The following NTM variants were observed in gnomAD, a reference collection of about 807,000 sequenced individuals.
The protein encoded by NTM is neurotrimin.
In NTM, 13 loss-of-function variants were observed where a neutral mutation model predicts 42.1. The observed-to-expected ratio is 0.31, with a 90% CI of 0.20 to 0.49. NTM has a LOEUF of 0.49. Among genes scored for constraint, NTM ranks in the 20% least tolerant of loss-of-function variants. The pLI is 0.99. For missense variants in NTM, 373 were observed against 452.8 expected (o/e 0.82, Z 1.60); for synonymous variants, 187 against 179.2 (o/e 1.04, Z -0.35).
intron 1 of NTM, among the ~76,000 whole-genome samples, chr11:131,389,825 A>G (rs1943786516): frequency 6.6e-6 from 1 of 152,218 alleles, no homozygotes; most frequent in South Asian, 2.1e-4. Context: ...GTCTGTTTCA[A>G]CAGAGAGTGA....
chr11:131,636,499 C>T (rs570058273), intron 1 of NTM, among the ~76,000 whole-genome samples: 5 of 152,286 alleles, frequency 3.3e-5, no homozygotes, highest in African/African-American at 1.2e-4. Flanking sequence ...ATCCTGAGTT[C>T]GGGAGCTGTG....
At chr11:132,308,269 T>C (rs567903085) in intron 5 of NTM, among the ~76,000 whole-genome samples, 39 of 152,328 alleles carry the variant, frequency 2.6e-4, no homozygotes, top group African/African-American at 9.4e-4. Flanking sequence ...ATTTATGGTA[T>C]GTCTATTATA....
intron 4 of NTM, among the ~76,000 whole-genome samples, chr11:132,223,505 G>A (rs2085574746): frequency 6.6e-6 from 1 of 152,110 alleles, no homozygotes; most frequent in African/African-American, 2.4e-5. Context: ...GACCCAGCCG[G>A]CACGCTCACA....
chr11:131,697,436 T>C (rs1233396080), intron 1 of NTM, among the ~76,000 whole-genome samples: 1 of 152,182 alleles, frequency 6.6e-6, no homozygotes, highest in East Asian at 1.9e-4. Context: ...CCTTGGAAAA[T>C]TGTTGGCCCT....
rs544285178 is a variant in NTM at position 132,037,383 on chromosome 11, A to G, written c.168-108899A>G. Among the ~76,000 whole-genome samples, 14 of 152,270 alleles carry G rather than the reference A, an allele frequency of 9.2e-5. No individual in the cohort carries two copies. In the South Asian group the frequency reaches 2.7e-3, roughly 29 times the overall value. ...TTCTTGTGCTGCCTGCAGTACCATG[A>G]GCCAAATAAACCTTTTTTCATTATA... On this transcript the variant is annotated intron_variant, in intron 2 of 8. Coordinates refer to ENST00000683400, the MANE Select transcript of NTM (RefSeq NM_001352005.2).
chr11:131,916,060 A>G (rs908294089), intron 2 of NTM, among the ~76,000 whole-genome samples: 5 of 152,212 alleles, frequency 3.3e-5, no homozygotes, highest in African/African-American at 1.2e-4. Context: ...CAAAGAGGTC[A>G]TGGACCTTGT....
At chr11:132,299,298 AAAAC>A (rs1459392359) in intron 4 of NTM, among the ~76,000 whole-genome samples, 1 of 147,870 alleles carries the variant, frequency 6.8e-6, no homozygotes, top group Non-Finnish European at 1.5e-5. Context: ...CTGTCTCAAA[AAAAC>A]AAAACAAAAC....
intron 1 of NTM, among the ~76,000 whole-genome samples, chr11:131,444,230 A>G (rs1949859581): frequency 1.4e-5 from 2 of 139,402 alleles, no homozygotes; most frequent in South Asian, 4.5e-4. Flanking sequence ...AAAAAAAAAT[A>G]GAAGCCAATA....
At chr11:131,685,530 C>T (rs2134920266) in intron 1 of NTM, among the ~76,000 whole-genome samples, 1 of 152,340 alleles carries the variant, frequency 6.6e-6, no homozygotes, top group Admixed American at 6.5e-5. Flanking sequence ...AAGCACATTC[C>T]TGCCTCAGGG....
chr11:131,603,695 G>A (rs546994322), intron 1 of NTM, among the ~76,000 whole-genome samples: 2 of 152,228 alleles, frequency 1.3e-5, no homozygotes, highest in East Asian at 1.9e-4. Flanking sequence ...ACATTGTCCC[G>A]TACACTCAGC....
chr11:131,511,573 C>G (rs752122421), intron 1 of NTM, among the ~76,000 whole-genome samples: 1 of 152,188 alleles, frequency 6.6e-6, no homozygotes, highest in Non-Finnish European at 1.5e-5. Flanking sequence ...TTGCACTTGA[C>G]AAACAAAACA....
At chr11:132,045,630 G>T (rs1008256204) in intron 2 of NTM, among the ~76,000 whole-genome samples, 6 of 152,144 alleles carry the variant, frequency 3.9e-5, no homozygotes, top group African/African-American at 1.4e-4. Flanking sequence ...AAAGGTACGG[G>T]ATATACTTAG....
intron 1 of NTM, among the ~76,000 whole-genome samples, chr11:131,715,300 T>TA (rs1244153536): frequency 5.3e-5 from 8 of 152,206 alleles, no homozygotes; most frequent in Non-Finnish European, 1.0e-4. Context: ...AAGTTTCTTG[T>TA]GTAATGAGTC....
At chr11:131,469,229 C>T (rs1228658704) in intron 1 of NTM, among the ~76,000 whole-genome samples, 4 of 152,192 alleles carry the variant, frequency 2.6e-5, no homozygotes, top group African/African-American at 9.6e-5. Context: ...GTGAATGCTT[C>T]TGTAAGAAGC....
At chr11:131,772,141 C>A (rs2086202951) in intron 1 of NTM, among the ~76,000 whole-genome samples, 1 of 152,204 alleles carries the variant, frequency 6.6e-6, no homozygotes, top group Admixed American at 6.5e-5. Flanking sequence ...TAGACACAGT[C>A]TCTGCCCTCA....
chr11:131,542,982 A>T (rs1405060978), intron 1 of NTM, among the ~76,000 whole-genome samples: 1 of 152,214 alleles, frequency 6.6e-6, no homozygotes, highest in Non-Finnish European at 1.5e-5. Flanking sequence ...AGCCTGGAGA[A>T]CATGTCCCTG....
intron 2 of NTM, among the ~76,000 whole-genome samples, chr11:131,927,093 G>A (rs2058048781): frequency 6.6e-6 from 1 of 152,152 alleles, no homozygotes; most frequent in Admixed American, 6.5e-5. Flanking sequence ...CTGTTCAGAA[G>A]AATTATTTAG....
chr11:132,026,837 G>T (rs928429989), intron 2 of NTM, among the ~76,000 whole-genome samples: 15 of 152,146 alleles, frequency 9.9e-5, no homozygotes, highest in African/African-American at 3.6e-4. Context: ...AACAAAGCAG[G>T]CAGGCTAGAA....
chr11:132,150,816 A>C lies in NTM; in HGVS notation c.400+4302A>C, dbSNP rs563672189. On this transcript the variant is annotated intron_variant, in intron 3 of 8. Coordinates refer to ENST00000683400, the MANE Select transcript of NTM (RefSeq NM_001352005.2). The stretch of plus-strand genomic sequence containing the variant: ...CACTGAGATTTCTACCTGTGAGCTC[A>C]GGGGACATGAATACTAACATGTCTA... 2.0e-5 allele frequency among the ~76,000 whole-genome samples: 3 copies of C among 152,328 alleles called. No homozygotes were observed. In the South Asian group the frequency reaches 6.2e-4, roughly 32 times the overall value.
Sources: allele counts gnomAD v4.1 joint callset (sites outside exome capture counted in the v4.1 genomes callset), GRCh38; gene constraint gnomAD v4.1.1; transcripts MANE v1.5; gene names NCBI Gene and HGNC (gene_info 2026-07-23, HGNC 2026-07-21).